Variants in AGO1 observed in about 807,000 individuals in gnomAD.
AGO1 encodes the protein protein argonaute-1.
In AGO1, 11 loss-of-function variants were observed where a neutral mutation model predicts 109.2. The observed-to-expected ratio is 0.10, with a 90% CI of 0.06 to 0.17. The LOEUF (loss-of-function observed/expected upper bound fraction) is 0.17, where lower values mean the gene tolerates loss of function less well. AGO1 is among the 10% of genes least tolerant of loss of function. AGO1 has a pLI of 1.00. For synonymous variants in AGO1, 422 were observed against 418.6 expected (o/e 1.01, Z -0.10); for missense variants, 574 against 1,140.3 (o/e 0.50, Z 7.15).
intron 10 of AGO1, 41 bp from the exon 11 acceptor site, chr1:35,902,163 C>T (rs1645429057): frequency 6.2e-7 from 1 of 1,602,076 alleles, no homozygotes; most frequent in African/African-American, 1.3e-5. Context: ...CCACCTGACT[C>T]TACTGAGGCT....
chr1:35,893,412 G>A lies in AGO1; in HGVS notation c.512+134G>A. 2.0e-6 allele frequency: 2 copies of A among 1,021,234 alleles called. No individual in the cohort carries two copies. The highest frequency in any genetic ancestry group is 3.3e-5 in the South Asian group (2 of 59,712). The allele number at this position is 1,021,234 out of a possible 1,614,324, so 63.3% of individuals were successfully genotyped here. On this transcript the variant is annotated intron_variant, in intron 4 of 18. Coordinates refer to ENST00000373204, the MANE Select transcript of AGO1 (RefSeq NM_012199.5). The surrounding 1 kb of genome is among the most constrained non-coding windows in gnomAD (Gnocchi z 5.6). ...TATTTGAAGCCCTACCACTTGCCAG[G>A]CAAATGTGTATTTATATTTAGATGG...
Position 35,926,333 on chromosome 1 carries a change from C to G in AGO1, c.*6726C>G, listed in dbSNP as rs909814849. ...TCAGTGAAGGCTTGTCCTGGCACCT[C>G]TGGGCATTCCTTTTCATTACTGGTT... On this transcript the variant is annotated 3_prime_UTR_variant, in exon 19 of 19. Transcript: ENST00000373204. 1.3e-5 allele frequency: 2 copies of G among 152,230 alleles called. No individual in the cohort carries two copies. Among genetic ancestry groups the G allele is most frequent in the African/African-American group, 4.8e-5 (2 of 41,442 alleles). 9.4% of individuals were successfully genotyped at this position (152,230 alleles called of 1,614,324 possible). A position where few individuals can be genotyped will look rare whatever the true frequency, so the allele number is the denominator to read the frequency against.
rs1020314191 is a variant in AGO1 at position 35,923,500 on chromosome 1, C to T, written c.*3893C>T. 4 of 152,552 alleles carry T rather than the reference C, an allele frequency of 2.6e-5. No individual in the cohort carries two copies. Among genetic ancestry groups the T allele is most frequent in the African/African-American group, 9.7e-5 (4 of 41,416 alleles). 9.4% of individuals were successfully genotyped at this position (152,552 alleles called of 1,614,324 possible). Reference sequence around the variant, plus strand: ...CAGTTTTGGAAACTACATTGGGGGACGTTATTTTTATTTATATATGGGGCC... The same window carrying T: ...CAGTTTTGGAAACTACATTGGGGGATGTTATTTTTATTTATATATGGGGCC... On this transcript the variant is annotated 3_prime_UTR_variant, in exon 19 of 19. Coordinates refer to ENST00000373204, the MANE Select transcript of AGO1 (RefSeq NM_012199.5).
upstream of AGO1, among the ~76,000 whole-genome samples, chr1:35,880,973 T>A (rs1243767709): frequency 6.6e-6 from 1 of 152,182 alleles, no homozygotes; most frequent in African/African-American, 2.4e-5. Context: ...GAAGTGTTTT[T>A]ATGTATTAAC....
rs192854434 is a variant in AGO1, at chr1:35,888,353, G to A, written c.26-74G>A. The A allele has an allele frequency of 2.3e-3, 3,415 of 1,491,312 alleles. 6 individuals are homozygous for A. Among genetic ancestry groups the A allele is most frequent in the Admixed American group, 2.4e-3 (133 of 55,352 alleles). 92.4% of individuals were successfully genotyped at this position (1,491,312 alleles called of 1,614,324 possible). A position where few individuals can be genotyped will look rare whatever the true frequency, so the allele number is the denominator to read the frequency against. On this transcript the variant is annotated intron_variant, in intron 1 of 18. Coordinates refer to ENST00000373204, the MANE Select transcript of AGO1 (RefSeq NM_012199.5). This position sits in a 1 kb window ranked among gnomAD's most constrained non-coding sequence, Gnocchi z 4.1. ...TACTCTCGTGTTCCTGTTCTGGGAG[G>A]CCTTGTTCCTCCTCTGATAAGAGTA...
In AGO1 at chr1:35,930,419, C is replaced by A. The variant is rs539225869; in HGVS notation, c.*10812C>A. 8 of 152,320 alleles carry A rather than the reference C, an allele frequency of 5.3e-5. No homozygotes were observed. The highest frequency in any genetic ancestry group is 1.9e-4 in the African/African-American group (8 of 41,562). The allele number at this position is 152,320 out of a possible 1,614,324, so 9.4% of individuals were successfully genotyped here. On this transcript the variant is annotated 3_prime_UTR_variant, in exon 19 of 19. Coordinates refer to ENST00000373204, the MANE Select transcript of AGO1 (RefSeq NM_012199.5). ...GCCCGTTGGGAGAATTGGAAGCCAACCAGTATAGCTGTAGCACAGGCGGGG... is the reference window on the plus strand; with the variant it reads ...GCCCGTTGGGAGAATTGGAAGCCAAACAGTATAGCTGTAGCACAGGCGGGG...
upstream of AGO1, chr1:35,869,799 G>A (rs1030122462): frequency 1.3e-5 from 2 of 152,194 alleles, no homozygotes; most frequent in South Asian, 2.1e-4. Flanking sequence ...CACGTGAGAG[G>A]GAAGCCCGTG....
intron 1 of AGO1, among the ~76,000 whole-genome samples, chr1:35,876,609 GTGAAA>G (rs2148703834): frequency 6.6e-6 from 1 of 152,256 alleles, no homozygotes; most frequent in African/African-American, 2.4e-5. Flanking sequence ...ATTTCTTGAG[GTGAAA>G]TTGACTCTGG....
chr1:35,887,907 C>T (rs1340263219), intron 1 of AGO1, among the ~76,000 whole-genome samples: 1 of 152,160 alleles, frequency 6.6e-6, no homozygotes, highest in East Asian at 1.9e-4. Flanking sequence ...TGCCTTAATT[C>T]TGCCTCAAAC....
rs1645162994 is a variant in AGO1, at chr1:35,888,751, A to C, written c.209+141A>C. On this transcript the variant is annotated intron_variant, in intron 2 of 18. Coordinates refer to ENST00000373204, the MANE Select transcript of AGO1 (RefSeq NM_012199.5). The surrounding 1 kb of genome is among the most constrained non-coding windows in gnomAD (Gnocchi z 4.1). ...TGAACGGGAGATGCCACGTCGGGTA[A>C]ATGCTGAAAAATAGTCCAATTGGAC... The C allele has an allele frequency of 2.2e-6, 2 of 901,228 alleles. No individual in the cohort carries two copies. Among genetic ancestry groups the C allele is most frequent in the South Asian group, 3.6e-5 (2 of 55,318 alleles). 55.8% of individuals were successfully genotyped at this position (901,228 alleles called of 1,614,324 possible).
At chr1:35,904,935 G>A (rs565190814) in intron 11 of AGO1, among the ~76,000 whole-genome samples, 3 of 152,238 alleles carry the variant, frequency 2.0e-5, no homozygotes, top group African/African-American at 7.2e-5. Context: ...GGTGCTATGG[G>A]GTTTGACAAA....
intron 1 of AGO1, among the ~76,000 whole-genome samples, chr1:35,886,261 G>T (rs1252649309): frequency 6.6e-6 from 1 of 152,176 alleles, no homozygotes; most frequent in East Asian, 1.9e-4. Context: ...GTCTGGGTCT[G>T]TAGGGAAGTG....
chr1:35,870,117 C>T (rs1644935449), intron 1 of AGO1, among the ~76,000 whole-genome samples: 2 of 151,956 alleles, frequency 1.3e-5, no homozygotes, highest in South Asian at 2.1e-4. Flanking sequence ...ATATTTATCA[C>T]CCAAGCGTTC....
chr1:35,875,591 T>G (rs1272841040), intron 1 of AGO1, among the ~76,000 whole-genome samples: 1 of 152,112 alleles, frequency 6.6e-6, no homozygotes, highest in Non-Finnish European at 1.5e-5. Flanking sequence ...TTTGTGTATT[T>G]TTAGTAGAGA....
At chr1:35,871,534 T>G (rs1049633471) in intron 1 of AGO1, among the ~76,000 whole-genome samples, 2 of 148,734 alleles carry the variant, frequency 1.3e-5, no homozygotes, top group Non-Finnish European at 3.0e-5. Flanking sequence ...AGAGCAAGAC[T>G]CCGTCTCAAA....
At chr1:35,877,032 G>A (rs1230702472) in intron 1 of AGO1, among the ~76,000 whole-genome samples, 1 of 152,152 alleles carries the variant, frequency 6.6e-6, no homozygotes, top group South Asian at 2.1e-4. Flanking sequence ...AAGCTGCTAG[G>A]CTTTCCTGTT....
intron 8 of AGO1, among the ~76,000 whole-genome samples, chr1:35,896,160 C>G (rs1645314443): frequency 6.6e-6 from 1 of 152,088 alleles, no homozygotes; most frequent in South Asian, 2.1e-4. Context: ...CCACCACACC[C>G]AGCTAATTTT....
rs1465439257 is a variant in AGO1 at position 35,906,625 on chromosome 1, A to AGACCAGCTTGGG, written c.1398-310_1398-309insGACCAGCTTGGG. 2.4e-4 allele frequency among the ~76,000 whole-genome samples: 37 copies of AGACCAGCTTGGG among 152,146 alleles called. No homozygotes were observed. The East Asian group carries it at 6.8e-3, about 28-fold the overall frequency. On this transcript the variant is annotated intron_variant, in intron 11 of 18. Coordinates refer to ENST00000373204, the MANE Select transcript of AGO1 (RefSeq NM_012199.5). ...GGAACTTGAGACCAGCTTGGGCAACATAGTGAGATCCCATCTCTACCAAAA... is the reference window on the plus strand; with the variant it reads ...GGAACTTGAGACCAGCTTGGGCAACAGACCAGCTTGGGTAGTGAGATCCCATCTCTACCAAAA...
Position 35,921,780 on chromosome 1 carries a change from G to C in AGO1, c.*2173G>C, listed in dbSNP as rs557502697. ...GTAACTCCTCCTTTACTTTTTTCCT[G>C]CTGGCTACAGCATGGGGTGCCCTAT... On this transcript the variant is annotated 3_prime_UTR_variant, in exon 19 of 19. Coordinates refer to ENST00000373204, the MANE Select transcript of AGO1 (RefSeq NM_012199.5). 3 of 152,736 alleles carry C rather than the reference G, an allele frequency of 2.0e-5. No individual in the cohort carries two copies. In the South Asian group the frequency reaches 6.2e-4, roughly 32 times the overall value. 9.5% of individuals were successfully genotyped at this position (152,736 alleles called of 1,614,324 possible).
Sources: allele counts gnomAD v4.1 joint callset (sites outside exome capture counted in the v4.1 genomes callset), GRCh38; gene constraint gnomAD v4.1.1; non-coding constraint Gnocchi (gnomAD v3.1); transcripts MANE v1.5; gene names NCBI Gene and HGNC (gene_info 2026-07-23, HGNC 2026-07-21).